DNAH5: variants seen among roughly 807,000 people sequenced by gnomAD.
The protein encoded by DNAH5 is dynein axonemal heavy chain 5, also known as axonemal beta dynein heavy chain 5.
Under a neutral mutation model 518.2 loss-of-function variants are expected in DNAH5, and 372 were observed. The observed-to-expected ratio is 0.72, with a 90% CI of 0.66 to 0.78. The LOEUF (loss-of-function observed/expected upper bound fraction) is 0.78, where lower values mean the gene tolerates loss of function less well. Ranked by LOEUF, DNAH5 falls within the 30% of genes least tolerant of loss-of-function variation. The pLI, the probability that DNAH5 is intolerant of heterozygous loss-of-function variation, is 0.00. For missense variants in DNAH5, 5,523 were observed against 5,687.0 expected (o/e 0.97, Z 0.93); for synonymous variants, 2,039 against 2,025.9 (o/e 1.01, Z -0.17).
intron 26 of DNAH5, 40 bp from the exon 27 acceptor site, chr5:13,865,946 T>C (rs1769184194): frequency 3.0e-6 from 4 of 1,314,272 alleles, no homozygotes; most frequent in Admixed American, 1.7e-5. Flanking sequence ...AAATGATTTA[T>C]ACATGATCAA....
At position 13,786,287 on chromosome 5, in the gene DNAH5, A is replaced by C. The variant is rs776135861; in HGVS notation, c.8712T>G (p.Ser2904Arg). The C allele has an allele frequency of 3.7e-6, 6 of 1,613,882 alleles. No individual in the cohort carries two copies. The highest frequency in any genetic ancestry group is 5.1e-6 in the Non-Finnish European group (6 of 1,179,816). ...ACATATTCAGACGCTCTTTTAGGTG[A>C]CTAAAAGATTCAATTGGCTCATAAA... ...PKIYEPIESF[S>R]HLKERLNMFL... The change falls in exon 52 of 79, where the codon AGT becomes AGG. Residue 2904 changes from serine to arginine, a missense_variant. This residue lies in a region of DNAH5 where 5,121 missense variants were observed against 5,223.3 expected (regional missense o/e 0.98). Transcript: ENST00000265104.
At chr5:13,899,371 TG>T (rs1774296392) in intron 15 of DNAH5, 2 of 152,412 alleles carry the variant, frequency 1.3e-5, no homozygotes, top group Admixed American at 6.5e-5. Flanking sequence ...CATTCTTCTC[TG>T]TCTGTATTCT....
chr5:13,947,174 C>T (rs1779994463), upstream of DNAH5, among the ~76,000 whole-genome samples: 1 of 152,140 alleles, frequency 6.6e-6, no homozygotes, highest in Admixed American at 6.5e-5. Context: ...TGATAAGTGT[C>T]ATTTTAAAAG....
intron 70 of DNAH5, among the ~76,000 whole-genome samples, chr5:13,724,459 AG>A (rs1389123173): frequency 6.6e-6 from 1 of 152,210 alleles, no homozygotes; most frequent in African/African-American, 2.4e-5. Context: ...GATGAGTCTC[AG>A]AGAGACTTAG....
intron 75 of DNAH5, among the ~76,000 whole-genome samples, chr5:13,711,907 T>C (rs1743526908): frequency 6.6e-6 from 1 of 152,216 alleles, no homozygotes; most frequent in Non-Finnish European, 1.5e-5. Context: ...TTCATGGTCA[T>C]GGATGGGTAG....
chr5:13,923,398 T>C lies in DNAH5; in HGVS notation c.320A>G (p.Lys107Arg), dbSNP rs576409964. The change falls in exon 4 of 79, where the codon AAG (lysine) becomes AGG (arginine). Residue 107 changes from lysine to arginine, a missense_variant. This residue lies in a region of DNAH5 where 5,121 missense variants were observed against 5,223.3 expected (regional missense o/e 0.98). Coordinates refer to ENST00000265104, the MANE Select transcript of DNAH5 (RefSeq NM_001369.3). ...CACGAACACCTTAGGTTTTTTAATC[T>C]TTCCAGAAACAAGATTTACCCCTCC... The part of the protein sequence containing the change: ...SLGGVNLVSG[K>R]IKKPKVFVTE... 6.2e-7 allele frequency: 1 copy of C among 1,614,164 alleles called. No homozygotes were observed. Among genetic ancestry groups the C allele is most frequent in the East Asian group, 2.2e-5 (1 of 44,872 alleles).
chr5:13,867,387 AAGG>A (rs1396050871), intron 25 of DNAH5, among the ~76,000 whole-genome samples: 2 of 152,060 alleles, frequency 1.3e-5, no homozygotes, highest in African/African-American at 4.8e-5. Context: ...ATGGTTTTAA[AAGG>A]AGCTCTTCCC....
chr5:13,762,434 C>A (rs1751910860), intron 60 of DNAH5, among the ~76,000 whole-genome samples: 1 of 151,552 alleles, frequency 6.6e-6, no homozygotes, highest in Non-Finnish European at 1.5e-5. Flanking sequence ...TTGTTTTTTT[C>A]AAGTTAACAT....
rs143612682 is a variant in DNAH5 at position 13,737,269 on chromosome 5, C to T, written c.11438G>A (p.Arg3813Gln). 18 of 1,614,048 alleles carry T rather than the reference C, an allele frequency of 1.1e-5. No individual in the cohort carries two copies. The highest frequency in any genetic ancestry group is 2.2e-5 in the South Asian group (2 of 91,066). ...AAACTCACCAGGTCTGTATTCCTCC[C>T]GGGCTGAGTTAATTTGAACTTCTGT... ...AETEVQINSA[R>Q]EEYRPVATRG... Residue 3813 changes from arginine (R) to glutamine (Q), a missense_variant, in exon 66 of 79, where the codon CGG (arginine) becomes CAG (glutamine). Physicochemically the swap from Arg to Gln is conservative, Grantham distance 43. This residue lies in a region of DNAH5 where 5,121 missense variants were observed against 5,223.3 expected (regional missense o/e 0.98). Transcript: ENST00000265104.
intron 41 of DNAH5, among the ~76,000 whole-genome samples, chr5:13,818,336 C>T (rs537173524): frequency 3.9e-5 from 6 of 152,314 alleles, no homozygotes; most frequent in Non-Finnish European, 8.8e-5. Flanking sequence ...TGGTGGCTCA[C>T]GCCTGTAATC....
At chr5:13,779,619 A>G (rs1215262797) in intron 53 of DNAH5, among the ~76,000 whole-genome samples, 1 of 152,102 alleles carries the variant, frequency 6.6e-6, no homozygotes, top group Non-Finnish European at 1.5e-5. Context: ...ACCTCTCCAA[A>G]TCACCTCTGT....
rs138838709 is a variant in DNAH5 at position 13,928,675 on chromosome 5, T to C, written c.193-497A>G. Among the ~76,000 whole-genome samples the C allele has an allele frequency of 8.5e-5, 13 of 152,326 alleles. No individual in the cohort carries two copies. The East Asian group carries it at 2.5e-3, about 29-fold the overall frequency. The stretch of plus-strand genomic sequence containing the variant: ...CACTAAGCTGGGACTAAGAGTCCCA[T>C]CCCTGAGGCTCACTGTAAGTCTACA... On this transcript the variant is annotated intron_variant, in intron 2 of 78. Coordinates refer to ENST00000265104, the MANE Select transcript of DNAH5 (RefSeq NM_001369.3).
chr5:13,967,392 T>A (rs556524782), intron 1 of DNAH5, among the ~76,000 whole-genome samples: 1 of 152,210 alleles, frequency 6.6e-6, no homozygotes, highest in Non-Finnish European at 1.5e-5. Flanking sequence ...TTCTTATATA[T>A]GTGGCTTGCC....
chr5:13,727,741 T>C lies in DNAH5; in HGVS notation c.11884-85A>G, dbSNP rs1745951059. 3.5e-6 allele frequency: 5 copies of C among 1,434,202 alleles called. No homozygotes were observed. In the South Asian group the frequency reaches 5.8e-5, roughly 16 times the overall value. 88.8% of individuals were successfully genotyped at this position (1,434,202 alleles called of 1,614,324 possible). A position where few individuals can be genotyped will look rare whatever the true frequency, so the allele number is the denominator to read the frequency against. ...TCATAGATATGTTTCATCAAACCTCTGACCTCTCCAGATATGTGTAAATTA... is the reference window on the plus strand; with the variant it reads ...TCATAGATATGTTTCATCAAACCTCCGACCTCTCCAGATATGTGTAAATTA... On this transcript the variant is annotated intron_variant, in intron 69 of 78. Transcript: ENST00000265104.
chr5:13,706,906 C>T (rs1336128521), intron 76 of DNAH5, among the ~76,000 whole-genome samples: 1 of 152,148 alleles, frequency 6.6e-6, no homozygotes, highest in Non-Finnish European at 1.5e-5. Flanking sequence ...GGGCAGGGTC[C>T]CTGGCGAAGG....
intron 11 of DNAH5, among the ~76,000 whole-genome samples, chr5:13,912,434 T>G (rs1267942083): frequency 6.6e-6 from 1 of 151,230 alleles, no homozygotes; most frequent in African/African-American, 2.4e-5. Flanking sequence ...TATATATACT[T>G]TTTTATATAA....
chr5:13,852,131 T>C (rs1386311001), intron 30 of DNAH5, among the ~76,000 whole-genome samples: 1 of 151,938 alleles, frequency 6.6e-6, no homozygotes, highest in Non-Finnish European at 1.5e-5. Flanking sequence ...CAAAATTCGG[T>C]GGCCGTTTGG....
intron 76 of DNAH5, among the ~76,000 whole-genome samples, chr5:13,704,639 C>T (rs1434896429): frequency 3.9e-5 from 6 of 152,238 alleles, no homozygotes; most frequent in Non-Finnish European, 8.8e-5. Flanking sequence ...ACAACCTCCA[C>T]TTCTAGTTCA....
intron 47 of DNAH5, among the ~76,000 whole-genome samples, chr5:13,803,724 A>G (rs1204491824): frequency 6.6e-6 from 1 of 152,214 alleles, no homozygotes; most frequent in Non-Finnish European, 1.5e-5. Flanking sequence ...ATTTTCTGCA[A>G]ACACAGGGAT....
Sources: allele counts gnomAD v4.1 joint callset (sites outside exome capture counted in the v4.1 genomes callset), GRCh38; gene constraint gnomAD v4.1.1; regional missense constraint gnomAD v4.1.1; transcripts MANE v1.5; gene names NCBI Gene and HGNC (gene_info 2026-07-23, HGNC 2026-07-21).